The following DLGAP1 variants were observed in gnomAD, a reference collection of about 807,000 sequenced individuals.
The protein encoded by DLGAP1 is DLG associated protein 1, also known as disks large-associated protein 1.
DLGAP1 carries 11 observed loss-of-function variants against 90.8 expected under a neutral mutation model. That is an observed-to-expected ratio of 0.12 (90% CI 0.08 to 0.20). The LOEUF (loss-of-function observed/expected upper bound fraction) is 0.20, where lower values mean the gene tolerates loss of function less well. Ranked by LOEUF, DLGAP1 falls within the 10% of genes least tolerant of loss-of-function variation. The pLI, the probability that DLGAP1 is intolerant of heterozygous loss-of-function variation, is 1.00. For missense variants in DLGAP1, 1,050 were observed against 1,333.8 expected (o/e 0.79, Z 3.31); for synonymous variants, 558 against 540.7 (o/e 1.03, Z -0.44).
At chr18:4,409,389 T>C (rs917261922) in intron 1 of DLGAP1, among the ~76,000 whole-genome samples, 2 of 152,198 alleles carry the variant, frequency 1.3e-5, no homozygotes, top group East Asian at 1.9e-4. Context: ...ATCTGCAAAT[T>C]TGGGTATCTT....
At chr18:3,730,834 G>T (rs551777413) in intron 6 of DLGAP1, among the ~76,000 whole-genome samples, 2 of 152,188 alleles carry the variant, frequency 1.3e-5, no homozygotes, top group Non-Finnish European at 2.9e-5. Flanking sequence ...TATCTAATTT[G>T]TTATGTGAAA....
chr18:3,989,476 A>C (rs932374777), intron 3 of DLGAP1, among the ~76,000 whole-genome samples: 1 of 152,216 alleles, frequency 6.6e-6, no homozygotes, highest in African/African-American at 2.4e-5. Flanking sequence ...CCATTGTATG[A>C]TAACTCGTCA....
At chr18:4,173,652 C>A (rs762586965) in intron 1 of DLGAP1, among the ~76,000 whole-genome samples, 2 of 152,088 alleles carry the variant, frequency 1.3e-5, no homozygotes, top group East Asian at 1.9e-4. Context: ...CTAGCCCAGT[C>A]GTAGACTGCA....
intron 7 of DLGAP1, among the ~76,000 whole-genome samples, chr18:3,634,240 C>CT (rs891485449): frequency 6.6e-6 from 1 of 151,770 alleles, no homozygotes; most frequent in African/African-American, 2.4e-5. Flanking sequence ...AATTTGTATA[C>CT]TTTTTTTGCA....
chr18:3,815,922 G>A (rs1447219545), intron 4 of DLGAP1, among the ~76,000 whole-genome samples: 6 of 152,176 alleles, frequency 3.9e-5, no homozygotes, highest in Non-Finnish European at 7.3e-5. Flanking sequence ...GAAGAGAAAC[G>A]AGAGTTAGCA....
At chr18:4,384,360 G>A (rs2082189083) in intron 1 of DLGAP1, among the ~76,000 whole-genome samples, 1 of 152,128 alleles carries the variant, frequency 6.6e-6, no homozygotes, top group South Asian at 2.1e-4. Flanking sequence ...TCAGCAAGTT[G>A]AGATCCTTAT....
chr18:3,582,299 T>G, intron 7 of DLGAP1, 51 bp from the exon 8 acceptor site: 1 of 1,568,496 alleles, frequency 6.4e-7, no homozygotes, highest in Non-Finnish European at 8.6e-7. Context: ...GGGTTTTAAT[T>G]TCTGATATTG....
intron 9 of DLGAP1, among the ~76,000 whole-genome samples, chr18:3,561,663 C>T (rs2054124734): frequency 6.6e-6 from 1 of 150,382 alleles, no homozygotes; most frequent in South Asian, 2.1e-4. Flanking sequence ...GTTTTTTATT[C>T]TCCTAATACT....
chr18:3,761,154 T>C (rs139912631), intron 5 of DLGAP1, among the ~76,000 whole-genome samples: 47 of 152,314 alleles, frequency 3.1e-4, no homozygotes, highest in African/African-American at 1.0e-3. Flanking sequence ...GATAGTCACA[T>C]TTTTGTGCAA....
At chr18:3,854,637 A>G (rs1262881419) in intron 4 of DLGAP1, among the ~76,000 whole-genome samples, 1 of 152,264 alleles carries the variant, frequency 6.6e-6, no homozygotes, top group Non-Finnish European at 1.5e-5. Flanking sequence ...CCTTGCCTAG[A>G]ATACACTCAT....
At chr18:4,188,466 G>A (rs1218779862) in intron 1 of DLGAP1, among the ~76,000 whole-genome samples, 3 of 151,944 alleles carry the variant, frequency 2.0e-5, no homozygotes, top group Non-Finnish European at 4.4e-5. Context: ...CCCTCCCCTT[G>A]CCCCTCACAC....
chr18:3,533,090 G>C (rs1290739586), intron 10 of DLGAP1, among the ~76,000 whole-genome samples: 1 of 152,000 alleles, frequency 6.6e-6, no homozygotes, highest in Non-Finnish European at 1.5e-5. Flanking sequence ...TCAGTAGTTT[G>C]AGACCAGCCT....
chr18:4,393,888 G>A (rs539502863), intron 1 of DLGAP1, among the ~76,000 whole-genome samples: 10 of 152,226 alleles, frequency 6.6e-5, no homozygotes, highest in East Asian at 5.8e-4. Context: ...CAGGGTTTGC[G>A]CTCCTGTGAG....
chr18:4,148,444 G>C (rs751729651), intron 2 of DLGAP1, among the ~76,000 whole-genome samples: 19 of 152,212 alleles, frequency 1.2e-4, no homozygotes, highest in Non-Finnish European at 2.5e-4. Context: ...TGTGATTCTG[G>C]AAGACTTTGG....
chr18:3,652,784 C>T (rs1225262787), intron 7 of DLGAP1, among the ~76,000 whole-genome samples: 1 of 152,158 alleles, frequency 6.6e-6, no homozygotes, highest in Non-Finnish European at 1.5e-5. Flanking sequence ...AGATTCTCAC[C>T]TATGAGGTAT....
intron 8 of DLGAP1, among the ~76,000 whole-genome samples, chr18:3,567,819 C>T (rs989906926): frequency 6.6e-6 from 1 of 152,160 alleles, no homozygotes; most frequent in Admixed American, 6.6e-5. Context: ...GATTCCTCCA[C>T]AGATTTGCAA....
At chr18:3,932,490 GC>G (rs796558163) in intron 3 of DLGAP1, among the ~76,000 whole-genome samples, 2 of 151,994 alleles carry the variant, frequency 1.3e-5, no homozygotes, top group South Asian at 2.1e-4. Context: ...AAATACCCTT[GC>G]GGGGGAGCCT....
chr18:4,241,058 C>A (rs2078523886), intron 1 of DLGAP1, among the ~76,000 whole-genome samples: 1 of 152,150 alleles, frequency 6.6e-6, no homozygotes, highest in African/African-American at 2.4e-5. Flanking sequence ...TTTTGGTTAA[C>A]TTGAGCAATT....
chr18:4,370,536 C>T (rs2081893133), intron 1 of DLGAP1, among the ~76,000 whole-genome samples: 1 of 152,186 alleles, frequency 6.6e-6, no homozygotes, highest in Non-Finnish European at 1.5e-5. Flanking sequence ...TCTACATTAT[C>T]TACCTAATCT....
Sources: allele counts gnomAD v4.1 joint callset (sites outside exome capture counted in the v4.1 genomes callset), GRCh38; gene constraint gnomAD v4.1.1; transcripts MANE v1.5; gene names NCBI Gene and HGNC (gene_info 2026-07-23, HGNC 2026-07-21).